The following CCDC85A variants were observed in gnomAD, a reference collection of about 807,000 sequenced individuals.
The protein encoded by CCDC85A is coiled-coil domain-containing protein 85A.
In CCDC85A, 38 loss-of-function variants were observed where a neutral mutation model predicts 50.2. The observed-to-expected ratio is 0.76, with a 90% CI of 0.58 to 0.99. The LOEUF (loss-of-function observed/expected upper bound fraction) is 0.99, where lower values mean the gene tolerates loss of function less well. Ranked by LOEUF, CCDC85A falls within the 50% of genes least tolerant of loss-of-function variation. CCDC85A has a pLI of 0.00. For synonymous variants in CCDC85A, 366 were observed against 301.4 expected (o/e 1.21, Z -2.22); for missense variants, 820 against 742.0 (o/e 1.11, Z -1.22).
At chr2:56,376,989 T>A (rs1012996945) in intron 5 of CCDC85A, among the ~76,000 whole-genome samples, 1 of 152,244 alleles carries the variant, frequency 6.6e-6, no homozygotes, top group Non-Finnish European at 1.5e-5. Context: ...AACTTCAAAA[T>A]GTTTATTTCA....
intron 2 of CCDC85A, among the ~76,000 whole-genome samples, chr2:56,265,467 A>G (rs1670398834): frequency 9.0e-6 from 1 of 111,180 alleles, no homozygotes; most frequent in Non-Finnish European, 2.0e-5. Context: ...AAATAACCCT[A>G]TTTTAAAAAG....
intron 2 of CCDC85A, among the ~76,000 whole-genome samples, chr2:56,285,101 CTTTTTTTTT>C (rs1296011376): frequency 2.8e-5 from 4 of 145,038 alleles, no homozygotes; most frequent in African/African-American, 7.5e-5. Context: ...TCTTTTCTTT[CTTTTTTTTT>C]TTTCTCTTTT....
At chr2:56,250,573 G>A (rs1457655600) in intron 2 of CCDC85A, among the ~76,000 whole-genome samples, 1 of 152,158 alleles carries the variant, frequency 6.6e-6, no homozygotes, top group Non-Finnish European at 1.5e-5. Flanking sequence ...GAGAATAGGA[G>A]GAGACAAGGG....
chr2:56,278,143 G>A (rs1221987496), intron 2 of CCDC85A, among the ~76,000 whole-genome samples: 1 of 152,108 alleles, frequency 6.6e-6, no homozygotes, highest in African/African-American at 2.4e-5. Flanking sequence ...TAGAACCTGT[G>A]TGTCTTTAGT....
chr2:56,314,229 T>A (rs748200224), intron 2 of CCDC85A, among the ~76,000 whole-genome samples: 2 of 151,338 alleles, frequency 1.3e-5, no homozygotes, highest in Non-Finnish European at 2.9e-5. Flanking sequence ...CCGAGCAGAA[T>A]TGAACCTGTG....
At chr2:56,273,582 A>G (rs943131300) in intron 2 of CCDC85A, among the ~76,000 whole-genome samples, 1 of 152,056 alleles carries the variant, frequency 6.6e-6, no homozygotes, top group Non-Finnish European at 1.5e-5. Context: ...AAATAAAAAT[A>G]TTTTAAAATG....
chr2:56,285,577 T>A (rs1671407409), intron 2 of CCDC85A, among the ~76,000 whole-genome samples: 1 of 147,330 alleles, frequency 6.8e-6, no homozygotes, highest in Non-Finnish European at 1.5e-5. Context: ...ATAATATAAT[T>A]AATAATATAA....
In CCDC85A at chr2:56,329,943, C is replaced by CTTTTTTTTTTTTTTTTT. The variant is rs1336192523; in HGVS notation, c.1241-12935_1241-12934insTTTTTTTTTTTTTTTTT. On this transcript the variant is annotated intron_variant, in intron 2 of 5. Transcript: ENST00000407595. ...TGAAAATTTGTTTTTTACAGATTTCCTGTTTTTTTTTTTTTTTTTTTTTTT... is the reference window on the plus strand; with the variant it reads ...TGAAAATTTGTTTTTTACAGATTTCCTTTTTTTTTTTTTTTTTTGTTTTTTTTTTTTTTTTTTTTTTT... Among the ~76,000 whole-genome samples the CTTTTTTTTTTTTTTTTT allele has an allele frequency of 3.1e-4, 7 of 22,894 alleles. 1 individual carries two copies. Among genetic ancestry groups the CTTTTTTTTTTTTTTTTT allele is most frequent in the East Asian group, 2.7e-3 (2 of 750 alleles). 15.0% of individuals were successfully genotyped at this position (22,894 alleles called of 152,430 possible).
intron 2 of CCDC85A, among the ~76,000 whole-genome samples, chr2:56,253,611 G>T (rs147888864): frequency 4.6e-5 from 7 of 152,290 alleles, no homozygotes; most frequent in Non-Finnish European, 2.9e-5. Flanking sequence ...GTGAATAAGA[G>T]AAGACTAGTT....
chr2:56,345,346 C>T (rs1674583703), intron 3 of CCDC85A, among the ~76,000 whole-genome samples: 1 of 152,112 alleles, frequency 6.6e-6, no homozygotes, highest in Non-Finnish European at 1.5e-5. Flanking sequence ...TTGCAGATTT[C>T]AGCGATGTTA....
intron 2 of CCDC85A, among the ~76,000 whole-genome samples, chr2:56,230,545 T>C (rs1264366797): frequency 6.6e-6 from 1 of 152,190 alleles, no homozygotes; most frequent in Non-Finnish European, 1.5e-5. Context: ...GAAATGTGCT[T>C]TTAAAAATGT....
Position 56,184,268 on chromosome 2 carries a change from G to A in CCDC85A, c.-357G>A, listed in dbSNP as rs547018220. ...GGGGCGACAGTCTCGGCTTAGGGCG[G>A]AGGAGAGGGCAGGGGAACGGCGGTG... On this transcript the variant is annotated 5_prime_UTR_variant, in exon 1 of 6. Transcript: ENST00000407595. 1.8e-5 allele frequency: 16 copies of A among 879,858 alleles called. No homozygotes were observed. In the East Asian group the frequency reaches 1.1e-3, roughly 62 times the overall value. The allele number at this position is 879,858 out of a possible 1,614,324, so 54.5% of individuals were successfully genotyped here.
chr2:56,248,419 G>A (rs1669605388), intron 2 of CCDC85A, among the ~76,000 whole-genome samples: 1 of 152,144 alleles, frequency 6.6e-6, no homozygotes, highest in South Asian at 2.1e-4. Context: ...AGACAGGGAA[G>A]CAGACAGGCC....
Position 56,315,780 on chromosome 2 carries a change from C to T in CCDC85A, c.1241-27099C>T, listed in dbSNP as rs117456394. On this transcript the variant is annotated intron_variant, in intron 2 of 5. Coordinates refer to ENST00000407595, the MANE Select transcript of CCDC85A (RefSeq NM_001080433.2). The stretch of plus-strand genomic sequence containing the variant: ...GGTAGTGTTTAGATGGATGAATGCA[C>T]ACAAGCAACTCAAACCTTCTCAAAT... 3.3e-5 allele frequency among the ~76,000 whole-genome samples: 5 copies of T among 152,218 alleles called. No homozygotes were observed. The East Asian group carries it at 9.7e-4, about 29-fold the overall frequency.
intron 2 of CCDC85A, among the ~76,000 whole-genome samples, chr2:56,240,058 T>C (rs1399306935): frequency 6.6e-6 from 1 of 152,148 alleles, no homozygotes; most frequent in Non-Finnish European, 1.5e-5. Context: ...CCTTTTACAA[T>C]TAAGTGGTTT....
intron 2 of CCDC85A, among the ~76,000 whole-genome samples, chr2:56,310,018 C>G (rs935593167): frequency 6.6e-6 from 1 of 152,138 alleles, no homozygotes; most frequent in African/African-American, 2.4e-5. Context: ...CTATTCACAC[C>G]ATCACCTTTT....
At chr2:56,237,597 A>C (rs886429603) in intron 2 of CCDC85A, among the ~76,000 whole-genome samples, 1 of 152,190 alleles carries the variant, frequency 6.6e-6, no homozygotes, top group African/African-American at 2.4e-5. Context: ...CCTATTTTAA[A>C]GTCAAGGAAA....
At chr2:56,362,168 G>A (rs557999456) in intron 3 of CCDC85A, among the ~76,000 whole-genome samples, 1 of 152,266 alleles carries the variant, frequency 6.6e-6, no homozygotes, top group Non-Finnish European at 1.5e-5. Context: ...GGTACAGAGT[G>A]TCAACCCTGG....
intron 3 of CCDC85A, among the ~76,000 whole-genome samples, chr2:56,362,936 T>C (rs1016183871): frequency 3.9e-5 from 6 of 152,190 alleles, no homozygotes; most frequent in African/African-American, 1.4e-4. Flanking sequence ...TTTAGCTTTT[T>C]TAGTCTCCCA....
Sources: allele counts gnomAD v4.1 joint callset (sites outside exome capture counted in the v4.1 genomes callset), GRCh38; gene constraint gnomAD v4.1.1; transcripts MANE v1.5; gene names NCBI Gene and HGNC (gene_info 2026-07-23, HGNC 2026-07-21).